CCDC38: variants seen among roughly 807,000 people sequenced by gnomAD.
The protein encoded by CCDC38 is coiled-coil domain containing 38, also known as coiled-coil domain-containing protein 38.
CCDC38 carries 69 observed loss-of-function variants against 72.8 expected under a neutral mutation model. That is an observed-to-expected ratio of 0.95 (90% confidence interval 0.78 to 1.16). The LOEUF (loss-of-function observed/expected upper bound fraction) is 1.16. Among genes scored for constraint, CCDC38 ranks in the 50% most tolerant of loss-of-function variants. CCDC38 has a pLI of 0.00. For synonymous variants in CCDC38, 201 were observed against 213.2 expected, an observed-to-expected ratio of 0.94 and a Z score of 0.50; for missense variants, 626 against 638.9, an observed-to-expected ratio of 0.98 and a Z score of 0.22.
chr12:95,938,154 A>G (rs530391067), intron 1 of CCDC38, among the ~76,000 whole-genome samples: 1 of 152,364 alleles, frequency 6.6e-6, no homozygotes, highest in East Asian at 1.9e-4. Context: ...AAAAATGAAT[A>G]AAAACTATAA....
intron 10 of CCDC38, among the ~76,000 whole-genome samples, chr12:95,883,420 T>C (rs2079723240): frequency 1.3e-5 from 2 of 152,110 alleles, no homozygotes; most frequent in Non-Finnish European, 2.9e-5. Context: ...CTCCCCCTTT[T>C]ACCCAGAATG....
chr12:95,882,655 A>C (rs2079714404), intron 10 of CCDC38, among the ~76,000 whole-genome samples: 1 of 152,144 alleles, frequency 6.6e-6, no homozygotes, highest in South Asian at 2.1e-4. Flanking sequence ...ATCACTTTCT[A>C]ATCACTCTCT....
chr12:95,929,110 G>A (rs1429635072), intron 2 of CCDC38, among the ~76,000 whole-genome samples: 3 of 152,224 alleles, frequency 2.0e-5, no homozygotes, highest in Non-Finnish European at 4.4e-5. Context: ...AAGCAAGCCT[G>A]GGCAATGGCG....
intron 4 of CCDC38, among the ~76,000 whole-genome samples, chr12:95,910,682 C>A (rs1176754132): frequency 6.6e-6 from 1 of 152,074 alleles, no homozygotes; most frequent in African/African-American, 2.4e-5. Context: ...AGCAACACAG[C>A]AAGAAACCCA....
chr12:95,935,891 C>G (rs925407207), intron 2 of CCDC38, among the ~76,000 whole-genome samples: 2 of 152,028 alleles, frequency 1.3e-5, no homozygotes, highest in African/African-American at 4.8e-5. Context: ...CCAGCCTGGC[C>G]AACATGGTGA....
intron 2 of CCDC38, 125 bp downstream of exon 2, chr12:95,936,348 A>C: frequency 1.3e-6 from 1 of 762,342 alleles, no homozygotes; most frequent in Non-Finnish European, 2.0e-6. Flanking sequence ...CTCTGCAGGT[A>C]GTTTATAAAC....
intron 4 of CCDC38, among the ~76,000 whole-genome samples, chr12:95,910,834 A>G (rs1001281756): frequency 6.6e-6 from 1 of 152,244 alleles, no homozygotes; most frequent in Non-Finnish European, 1.5e-5. Context: ...ACTGCACTTC[A>G]GCCTGGGGGA....
chr12:95,898,751 A>C lies in CCDC38; in HGVS notation c.370-20T>G. ...AGCATACTAGGGGCATTGAAGACAG[A>C]GGTGTAAAAACATGATTCCACATTT... On this transcript the variant is annotated intron_variant, in intron 5 of 15. Coordinates refer to ENST00000344280, the MANE Select transcript of CCDC38 (RefSeq NM_182496.3). 3 of 1,604,294 alleles carry C rather than the reference A, an allele frequency of 1.9e-6. No homozygotes were observed. Among genetic ancestry groups the C allele is most frequent in the Non-Finnish European group, 2.5e-6 (3 of 1,177,010 alleles).
intron 2 of CCDC38, chr12:95,934,679 C>T (rs1483153830): frequency 7.2e-6 from 1 of 139,280 alleles, no homozygotes; most frequent in East Asian, 2.1e-4. Flanking sequence ...TTTATATCAG[C>T]AAATATATAT....
chr12:95,893,023 A>G (rs2121462308), intron 8 of CCDC38, among the ~76,000 whole-genome samples: 1 of 152,258 alleles, frequency 6.6e-6, no homozygotes, highest in South Asian at 2.1e-4. Context: ...CCGAATTCAA[A>G]AGTATTTGTT....
intron 4 of CCDC38, among the ~76,000 whole-genome samples, chr12:95,906,904 G>A (rs1435212604): frequency 1.3e-5 from 2 of 150,622 alleles, no homozygotes; most frequent in African/African-American, 4.9e-5. Flanking sequence ...GACAATAGTG[G>A]AGGGAAGGTC....
chr12:95,867,174 C>T lies in CCDC38; in HGVS notation c.1594G>A (p.Val532Ile). Residue 532 changes from valine (V) to isoleucine (I), a missense_variant, in exon 16 of 16, where the codon GTC becomes ATC. Physicochemically the swap from Val to Ile is conservative, Grantham distance 29 (BLOSUM62 3). Coordinates refer to ENST00000344280, the MANE Select transcript of CCDC38 (RefSeq NM_182496.3). ...CCAGATGGAGGTTTTGAATGAAAGA[C>T]AAGTCGTCTTCCCAACTGAAACAAA... The part of the protein sequence containing the change: ...QPKKKLGRRL[V>I]FHSKPPSGNK... 1 of 1,589,542 alleles carries T rather than the reference C, an allele frequency of 6.3e-7. No individual in the cohort carries two copies. The highest frequency in any genetic ancestry group is 8.6e-7 in the Non-Finnish European group (1 of 1,161,350).
chr12:95,868,365 T>A (rs1174230708), intron 15 of CCDC38, among the ~76,000 whole-genome samples: 1 of 152,100 alleles, frequency 6.6e-6, no homozygotes, highest in Non-Finnish European at 1.5e-5. Flanking sequence ...ATTTGGTGGG[T>A]TTGCTAAGTA....
In CCDC38 at chr12:95,879,928, A is replaced by G. The variant is rs2079680681; in HGVS notation, c.991-133T>C. The G allele has an allele frequency of 1.7e-6, 1 of 590,680 alleles. No homozygotes were observed. The highest frequency in any genetic ancestry group is 2.8e-6 in the Non-Finnish European group (1 of 354,534). The allele number at this position is 590,680 out of a possible 1,614,324, so 36.6% of individuals were successfully genotyped here. A position where few individuals can be genotyped will look rare whatever the true frequency, so the allele number is the denominator to read the frequency against. On this transcript the variant is annotated intron_variant, in intron 11 of 15. Coordinates refer to ENST00000344280, the MANE Select transcript of CCDC38 (RefSeq NM_182496.3). The surrounding 1 kb of genome is among the most constrained non-coding windows in gnomAD (Gnocchi z 5.5). ...GAGGGAGACACAGGTAGGAACTTGTATGGGAAACTCGCCTATTTCCAAGTG... is the reference window on the plus strand; with the variant it reads ...GAGGGAGACACAGGTAGGAACTTGTGTGGGAAACTCGCCTATTTCCAAGTG...
chr12:95,903,598 A>G, intron 5 of CCDC38: 1 of 577,640 alleles, frequency 1.7e-6, no homozygotes, highest in Admixed American at 2.8e-5. Context: ...CTCCATCAAG[A>G]ATGAATTTTG....
At chr12:95,877,590 C>T (rs1326906947) in intron 13 of CCDC38, among the ~76,000 whole-genome samples, 3 of 152,136 alleles carry the variant, frequency 2.0e-5, no homozygotes, top group Admixed American at 6.6e-5. Flanking sequence ...AAAAGCTAAC[C>T]TCATCATTCA....
intron 4 of CCDC38, among the ~76,000 whole-genome samples, chr12:95,909,123 T>C (rs2080063131): frequency 6.6e-6 from 1 of 151,940 alleles, no homozygotes; most frequent in Non-Finnish European, 1.5e-5. Flanking sequence ...GTTGGTTCTT[T>C]GAAAGAAAAA....
chr12:95,872,030 C>T (rs966001612), intron 14 of CCDC38, among the ~76,000 whole-genome samples: 1 of 152,150 alleles, frequency 6.6e-6, no homozygotes, highest in East Asian at 1.9e-4. Flanking sequence ...TTCCTTCCTT[C>T]GTGGTGCTCA....
intron 5 of CCDC38, among the ~76,000 whole-genome samples, chr12:95,901,153 G>A (rs983339468): frequency 6.6e-6 from 1 of 152,172 alleles, no homozygotes; most frequent in Non-Finnish European, 1.5e-5. Flanking sequence ...ATGAACAGTA[G>A]TCTGATTATG....
Sources: allele counts gnomAD v4.1 joint callset (sites outside exome capture counted in the v4.1 genomes callset), GRCh38; gene constraint gnomAD v4.1.1; non-coding constraint Gnocchi (gnomAD v3.1); transcripts MANE v1.5; gene names NCBI Gene and HGNC (gene_info 2026-07-23, HGNC 2026-07-21).